CMC1: variants seen among roughly 807,000 people sequenced by gnomAD.
CMC1 encodes C-X9-C motif containing 1, also known as COX assembly mitochondrial protein homolog.
CMC1 carries 14 observed loss-of-function variants against 14.1 expected under a neutral mutation model. The ratio of observed to expected loss-of-function variants is 0.99; its 90% CI spans 0.66 to 1.55. The LOEUF (loss-of-function observed/expected upper bound fraction) is 1.55. CMC1 is among the 40% of genes most tolerant of loss of function. The pLI is 0.00. For synonymous variants in CMC1, 50 were observed against 38.4 expected (o/e 1.30, Z -1.12); for missense variants, 127 against 123.8 (o/e 1.03, Z -0.12).
intron 2 of CMC1, among the ~76,000 whole-genome samples, chr3:28,280,279 TAAAG>T (rs1004347279): frequency 9.9e-5 from 15 of 152,282 alleles, no homozygotes; most frequent in African/African-American, 3.6e-4. Context: ...AAAAGGATAT[TAAAG>T]GAAGTTTCTG....
intron 1 of CMC1, among the ~76,000 whole-genome samples, chr3:28,252,715 C>T (rs1255190601): frequency 2.6e-5 from 4 of 152,220 alleles, no homozygotes; most frequent in Non-Finnish European, 5.9e-5. Flanking sequence ...GCCCCCACTC[C>T]ATGTGCATGG....
chr3:28,290,396 G>A (rs957307046), intron 2 of CMC1, among the ~76,000 whole-genome samples: 7 of 152,054 alleles, frequency 4.6e-5, no homozygotes, highest in Admixed American at 1.3e-4. Context: ...TTGTCAGGTC[G>A]TATTTTCTGT....
intron 2 of CMC1, among the ~76,000 whole-genome samples, chr3:28,312,583 A>G (rs1352578051): frequency 6.6e-6 from 1 of 152,146 alleles, no homozygotes; most frequent in Non-Finnish European, 1.5e-5. Flanking sequence ...GGATTATTTA[A>G]GTATTAAAGT....
Position 28,242,296 on chromosome 3 carries a change from A to G in CMC1, c.19+484A>G, listed in dbSNP as rs192362526. 3.7e-3 allele frequency among the ~76,000 whole-genome samples: 569 copies of G among 152,330 alleles called. 8 individuals carry two copies. The highest frequency in any genetic ancestry group is 0.013 in the African/African-American group (539 of 41,564). ...TCAGTTTCTTTGGAAAGGATCTTCA[A>G]AATCTTGAATGTTGTTTTAATCTCT... On this transcript the variant is annotated intron_variant, in intron 1 of 3. Coordinates refer to ENST00000466830, the MANE Select transcript of CMC1 (RefSeq NM_182523.2).
intron 1 of CMC1, among the ~76,000 whole-genome samples, chr3:28,260,845 AT>A (rs1213173137): frequency 2.0e-5 from 3 of 152,010 alleles, no homozygotes; most frequent in African/African-American, 7.2e-5. Context: ...ATTTTCTTAG[AT>A]CCATGGGTTA....
At chr3:28,269,728 G>A (rs1046958219) in intron 2 of CMC1, among the ~76,000 whole-genome samples, 7 of 152,156 alleles carry the variant, frequency 4.6e-5, no homozygotes, top group South Asian at 2.1e-4. Flanking sequence ...ATGACGCCTC[G>A]CTAATGTTTG....
At chr3:28,305,111 G>T (rs1187014004) in intron 2 of CMC1, among the ~76,000 whole-genome samples, 1 of 151,990 alleles carries the variant, frequency 6.6e-6, no homozygotes, top group African/African-American at 2.4e-5. Flanking sequence ...GGACTCCCCA[G>T]TATCTATAAT....
chr3:28,324,156 A>G lies in CMC1; in HGVS notation c.*4527A>G, dbSNP rs1327096237. The G allele has an allele frequency of 6.2e-7, 1 of 1,610,650 alleles. No individual in the cohort carries two copies. Among genetic ancestry groups the G allele is most frequent in the Non-Finnish European group, 8.5e-7 (1 of 1,177,658 alleles). ...CCCCAAATGCTGTCTCACTTGATTTAGGAGGACTTGGAAATACCCAGGAAT... is the reference window on the plus strand; with the variant it reads ...CCCCAAATGCTGTCTCACTTGATTTGGGAGGACTTGGAAATACCCAGGAAT... On this transcript the variant is annotated 3_prime_UTR_variant, in exon 4 of 4. Coordinates refer to ENST00000466830, the MANE Select transcript of CMC1 (RefSeq NM_182523.2).
chr3:28,272,086 T>C (rs1389121095), intron 2 of CMC1, among the ~76,000 whole-genome samples: 1 of 152,216 alleles, frequency 6.6e-6, no homozygotes, highest in African/African-American at 2.4e-5. Context: ...ATCCTGAGAC[T>C]TTGCTGAAGT....
intron 2 of CMC1, among the ~76,000 whole-genome samples, chr3:28,271,906 T>A (rs1458738917): frequency 1.3e-5 from 2 of 152,200 alleles, no homozygotes; most frequent in Non-Finnish European, 2.9e-5. Context: ...CCTTGAGCAG[T>A]GGCTTGTAGT....
chr3:28,298,550 AGT>A (rs1323775553), intron 2 of CMC1, among the ~76,000 whole-genome samples: 1 of 151,060 alleles, frequency 6.6e-6, no homozygotes. Flanking sequence ...TTTCTAATAA[AGT>A]GTACATTTAT....
intron 1 of CMC1, among the ~76,000 whole-genome samples, chr3:28,244,654 A>T (rs1163794083): frequency 6.6e-6 from 1 of 152,076 alleles, no homozygotes; most frequent in Non-Finnish European, 1.5e-5. Flanking sequence ...TGAGCCTGGA[A>T]GGCAGCGGTT....
chr3:28,266,602 C>T (rs186352602), intron 2 of CMC1, among the ~76,000 whole-genome samples: 1 of 152,036 alleles, frequency 6.6e-6, no homozygotes, highest in Admixed American at 6.5e-5. Flanking sequence ...CTTGGCCTCC[C>T]AAAGTGCTGG....
At chr3:28,307,491 G>A (rs148509486) in intron 2 of CMC1, among the ~76,000 whole-genome samples, 1,667 of 152,208 alleles carry the variant, frequency 0.011, 33 homozygotes, top group African/African-American at 0.038. Context: ...TCTAACCAGC[G>A]CCCAGCCTGG....
intron 2 of CMC1, among the ~76,000 whole-genome samples, chr3:28,305,779 ATTTTTTTTTTTTT>A (rs71087685): frequency 2.1e-4 from 9 of 43,536 alleles, no homozygotes; most frequent in South Asian, 1.6e-3. Context: ...TTTCATAGGA[ATTTTTTTTTTTTT>A]TTTTTTTTTT....
chr3:28,322,191 T>G lies in CMC1; in HGVS notation c.*2562T>G, dbSNP rs1363892967. 6.6e-6 allele frequency: 1 copy of G among 151,260 alleles called. No individual in the cohort carries two copies. Among genetic ancestry groups the G allele is most frequent in the Non-Finnish European group, 1.5e-5 (1 of 67,428 alleles). The allele number at this position is 151,260 out of a possible 1,614,324, so 9.4% of individuals were successfully genotyped here. On this transcript the variant is annotated 3_prime_UTR_variant, in exon 4 of 4. Transcript: ENST00000466830. ...ACTGTCACAGTCACTGACTTTTTAG[T>G]ATACCTGTTTGATAGCTATCATCAC...
intron 2 of CMC1, among the ~76,000 whole-genome samples, chr3:28,308,062 C>T (rs529954886): frequency 6.6e-6 from 1 of 152,256 alleles, no homozygotes; most frequent in Non-Finnish European, 1.5e-5. Context: ...CTTGTGATTA[C>T]TTTGGGCCTT....
At chr3:28,305,157 C>CT (rs1434873812) in intron 2 of CMC1, among the ~76,000 whole-genome samples, 3 of 152,132 alleles carry the variant, frequency 2.0e-5, no homozygotes, top group South Asian at 4.1e-4. Context: ...CATTGTTTAG[C>CT]TCCTACTTGT....
chr3:28,258,151 G>A (rs1214478064), intron 1 of CMC1, among the ~76,000 whole-genome samples: 1 of 148,150 alleles, frequency 6.7e-6, no homozygotes, highest in Non-Finnish European at 1.5e-5. Flanking sequence ...CTTTTATTGA[G>A]TTTTTATTAT....
Sources: allele counts gnomAD v4.1 joint callset (sites outside exome capture counted in the v4.1 genomes callset), GRCh38; gene constraint gnomAD v4.1.1; transcripts MANE v1.5; gene names NCBI Gene and HGNC (gene_info 2026-07-23, HGNC 2026-07-21).